Variants in MCU observed in about 807,000 individuals in gnomAD.
The protein encoded by MCU is mitochondrial calcium uniporter, also known as calcium uniporter protein, mitochondrial.
MCU carries 12 observed loss-of-function variants against 45.2 expected under a neutral mutation model. The observed-to-expected ratio is 0.27, with a 90% CI of 0.17 to 0.43. The LOEUF (loss-of-function observed/expected upper bound fraction) is 0.43. Ranked by LOEUF, MCU falls within the 20% of genes least tolerant of loss-of-function variation. MCU has a pLI of 1.00. For synonymous variants in MCU, 160 were observed against 165.1 expected (o/e 0.97, Z 0.24); for missense variants, 324 against 436.7 (o/e 0.74, Z 2.30).
At chr10:72,846,338 C>T (rs755541520) in intron 2 of MCU, among the ~76,000 whole-genome samples, 1 of 152,202 alleles carries the variant, frequency 6.6e-6, no homozygotes, top group Non-Finnish European at 1.5e-5. Context: ...CCACTGCACG[C>T]GGCCCAATTA....
At chr10:72,723,610 A>G (rs1304042786) in intron 1 of MCU, among the ~76,000 whole-genome samples, 1 of 152,232 alleles carries the variant, frequency 6.6e-6, no homozygotes, top group Non-Finnish European at 1.5e-5. Flanking sequence ...AAAAAAACCC[A>G]TGTAACTATA....
intron 1 of MCU, among the ~76,000 whole-genome samples, chr10:72,809,974 A>T (rs978443083): frequency 6.6e-6 from 1 of 151,634 alleles, no homozygotes; most frequent in Non-Finnish European, 1.5e-5. Flanking sequence ...ATCAGTGGGA[A>T]GTAGGATTAG....
At chr10:72,700,678 G>A (rs907831682) in intron 1 of MCU, among the ~76,000 whole-genome samples, 7 of 152,094 alleles carry the variant, frequency 4.6e-5, no homozygotes, top group African/African-American at 1.7e-4. Flanking sequence ...GCATGCTAAA[G>A]GTGGAACTTT....
At chr10:72,771,843 C>T (rs1022721333) in intron 1 of MCU, among the ~76,000 whole-genome samples, 1 of 152,084 alleles carries the variant, frequency 6.6e-6, no homozygotes, top group Non-Finnish European at 1.5e-5. Context: ...CACTACTGGC[C>T]CCAGTAGGGC....
At chr10:72,727,641 C>G (rs1331825475) in intron 1 of MCU, among the ~76,000 whole-genome samples, 1 of 152,036 alleles carries the variant, frequency 6.6e-6, no homozygotes, top group African/African-American at 2.4e-5. Flanking sequence ...TGTTGGTTCC[C>G]GAGTATGTAT....
chr10:72,755,193 GGGCTA>G (rs1843558118), intron 1 of MCU, among the ~76,000 whole-genome samples: 1 of 135,802 alleles, frequency 7.4e-6, no homozygotes, highest in South Asian at 2.2e-4. Flanking sequence ...CTTGTTGCCT[GGGCTA>G]GAGTGCAATG....
intron 1 of MCU, among the ~76,000 whole-genome samples, chr10:72,705,699 TC>T (rs1017761640): frequency 3.9e-5 from 6 of 152,124 alleles, no homozygotes; most frequent in Non-Finnish European, 5.9e-5. Flanking sequence ...AAGCCTGTAA[TC>T]CCAGCTACTT....
chr10:72,766,929 T>A (rs1341373694), intron 1 of MCU: 1 of 152,216 alleles, frequency 6.6e-6, no homozygotes, highest in Non-Finnish European at 1.5e-5. Context: ...ATTTTGTATC[T>A]TTCAATCTTT....
chr10:72,813,303 A>AC (rs1407583834), intron 1 of MCU, among the ~76,000 whole-genome samples: 5 of 151,604 alleles, frequency 3.3e-5, no homozygotes, highest in Non-Finnish European at 5.9e-5. Flanking sequence ...AAAGGCATCA[A>AC]CCAACAATGT....
chr10:72,787,312 A>C (rs1031262905), intron 1 of MCU, among the ~76,000 whole-genome samples: 3 of 152,230 alleles, frequency 2.0e-5, no homozygotes, highest in Non-Finnish European at 2.9e-5. Context: ...TCTGTCGCCC[A>C]GGCTGGAGTG....
intron 1 of MCU, chr10:72,760,815 G>T (rs372495511): frequency 6.8e-6 from 1 of 146,206 alleles, no homozygotes; most frequent in African/African-American, 2.6e-5. Context: ...GCCTCTCAAA[G>T]TGCTGCGATT....
chr10:72,880,485 G>T (rs577465707), intron 6 of MCU, among the ~76,000 whole-genome samples: 1 of 151,944 alleles, frequency 6.6e-6, no homozygotes, highest in Non-Finnish European at 1.5e-5. Flanking sequence ...AAGCGGGGGG[G>T]GGGAAACCCT....
chr10:72,881,907 T>C (rs1050290851), intron 6 of MCU, among the ~76,000 whole-genome samples: 93 of 152,280 alleles, frequency 6.1e-4, no homozygotes, highest in African/African-American at 2.1e-3. Flanking sequence ...ACCCAAATGC[T>C]ATCAGCTGAG....
At chr10:72,753,517 C>G (rs1221542145) in intron 1 of MCU, among the ~76,000 whole-genome samples, 1 of 152,148 alleles carries the variant, frequency 6.6e-6, no homozygotes, top group Admixed American at 6.5e-5. Flanking sequence ...TTAATAGTTA[C>G]AGTTTATTGA....
intron 1 of MCU, among the ~76,000 whole-genome samples, chr10:72,740,868 C>T (rs1843318614): frequency 6.6e-6 from 1 of 152,170 alleles, no homozygotes; most frequent in Non-Finnish European, 1.5e-5. Flanking sequence ...AAAAAGTTTA[C>T]AATCTCATAG....
chr10:72,719,211 C>G (rs1842989868), intron 1 of MCU, among the ~76,000 whole-genome samples: 1 of 152,168 alleles, frequency 6.6e-6, no homozygotes, highest in African/African-American at 2.4e-5. Context: ...ATGTAGAGAA[C>G]CAGTTGAGCA....
In MCU at chr10:72,882,261, A is replaced by C. The variant is rs369532295; in HGVS notation, c.862-2005A>C. Among the ~76,000 whole-genome samples, 6 of 152,332 alleles carry C rather than the reference A, an allele frequency of 3.9e-5. No homozygotes were observed. In the East Asian group the frequency reaches 1.2e-3, roughly 29 times the overall value. On this transcript the variant is annotated intron_variant, in intron 6 of 7. Transcript: ENST00000373053. ...GCATTAACTGCACAAATTGTAGAGC[A>C]TGTGTGTTTGAACAATATGAAATCT...
chr10:72,870,631 A>C (rs1674996471), intron 5 of MCU, among the ~76,000 whole-genome samples: 1 of 152,196 alleles, frequency 6.6e-6, no homozygotes, highest in Non-Finnish European at 1.5e-5. Context: ...TAATGAAGTT[A>C]ATGGTGATTT....
At chr10:72,831,605 G>T (rs1379519538) in intron 1 of MCU, among the ~76,000 whole-genome samples, 4 of 152,138 alleles carry the variant, frequency 2.6e-5, no homozygotes, top group Non-Finnish European at 4.4e-5. Context: ...TGCTTCGTGG[G>T]TTGGAGGAGA....
Sources: allele counts gnomAD v4.1 joint callset (sites outside exome capture counted in the v4.1 genomes callset), GRCh38; gene constraint gnomAD v4.1.1; transcripts MANE v1.5; gene names NCBI Gene and HGNC (gene_info 2026-07-23, HGNC 2026-07-21).